Variants in SORCS1 observed in about 807,000 individuals in gnomAD.
SORCS1 encodes VPS10 domain-containing receptor SorCS1.
A neutral mutation model predicts 146.1 loss-of-function variants in SORCS1; 60 were observed. The observed-to-expected ratio is 0.41, with a 90% CI of 0.33 to 0.51. The LOEUF (loss-of-function observed/expected upper bound fraction) is 0.51. SORCS1 is among the 20% of genes least tolerant of loss of function. The pLI is 0.21. For synonymous variants in SORCS1, 637 were observed against 584.0 expected (o/e 1.09, Z -1.31); for missense variants, 1,352 against 1,487.6 (o/e 0.91, Z 1.50).
chr10:106,699,175 A>C, intron 9 of SORCS1, 39 bp downstream of exon 9: 1 of 1,539,848 alleles, frequency 6.5e-7, no homozygotes, highest in Non-Finnish European at 8.8e-7. Context: ...CCAGCTGGGC[A>C]CTGCTGTGGC....
At chr10:107,061,493 C>T (rs557268762) in intron 1 of SORCS1, among the ~76,000 whole-genome samples, 1 of 152,226 alleles carries the variant, frequency 6.6e-6, no homozygotes, top group Admixed American at 6.5e-5. Flanking sequence ...AAAGCCAATG[C>T]AATACATCCC....
Position 107,129,938 on chromosome 10 carries a change from A to G in SORCS1, c.558+34031T>C, listed in dbSNP as rs1966850221. 1.3e-5 allele frequency among the ~76,000 whole-genome samples: 2 copies of G among 152,256 alleles called. 1 individual carries two copies. Among genetic ancestry groups the G allele is most frequent in the Admixed American group, 1.3e-4 (2 of 15,288 alleles). ...GCTTGTTGATGTATGTTTATCCATT[A>G]GGAATGAAATCATGTTGCTCTGCCT... is the stretch of plus-strand genomic sequence containing the variant. On this transcript the variant is annotated intron_variant, in intron 1 of 25. Coordinates refer to ENST00000263054, the MANE Select transcript of SORCS1 (RefSeq NM_052918.5).
At chr10:106,615,680 T>C (rs1847313453) in intron 21 of SORCS1, among the ~76,000 whole-genome samples, 2 of 152,104 alleles carry the variant, frequency 1.3e-5, no homozygotes, top group Admixed American at 1.3e-4. Context: ...TCTGGATAAC[T>C]CAACTGACCA....
At chr10:107,144,110 T>C (rs1469625052) in intron 1 of SORCS1, among the ~76,000 whole-genome samples, 1 of 152,198 alleles carries the variant, frequency 6.6e-6, no homozygotes, top group African/African-American at 2.4e-5. Flanking sequence ...GCTTGTCTCA[T>C]GTTTTCATCT....
At chr10:106,862,780 C>CAAAAAAAAAAAAAAAAAAAAAA (rs58654489) in intron 2 of SORCS1, among the ~76,000 whole-genome samples, 1 of 60,246 alleles carries the variant, frequency 1.7e-5, no homozygotes, top group Non-Finnish European at 3.2e-5. Context: ...CCTGTCTCTA[C>CAAAAAAAAAAAAAAAAAAAAAA]AAAAAAAAAA....
At chr10:106,647,932 ATTATGG>A (rs1297654372) in intron 18 of SORCS1, among the ~76,000 whole-genome samples, 1 of 152,178 alleles carries the variant, frequency 6.6e-6, no homozygotes, top group East Asian at 1.9e-4. Context: ...CTGTGGCGCA[ATTATGG>A]TTGACTGTAG....
At chr10:107,054,509 T>C (rs138859129) in intron 1 of SORCS1, among the ~76,000 whole-genome samples, 1 of 152,046 alleles carries the variant, frequency 6.6e-6, no homozygotes, top group Non-Finnish European at 1.5e-5. Flanking sequence ...GCTGGACACG[T>C]TTGGTGGACA....
rs141706638 is a variant in SORCS1, at chr10:107,102,545, T to C, written c.558+61424A>G. 3.6e-3 allele frequency among the ~76,000 whole-genome samples: 551 copies of C among 152,322 alleles called. 3 individuals carry two copies. Among genetic ancestry groups the C allele is most frequent in the African/African-American group, 0.013 (522 of 41,570 alleles). ...TACATATAAAAAGGGAATCTAACTA[T>C]GATTTGTTAAAGGTGCTTTATTTTG... On this transcript the variant is annotated intron_variant, in intron 1 of 25. Transcript: ENST00000263054.
intron 10 of SORCS1, among the ~76,000 whole-genome samples, chr10:106,687,447 T>C (rs893675296): frequency 6.6e-6 from 1 of 152,222 alleles, no homozygotes; most frequent in Non-Finnish European, 1.5e-5. Context: ...TCAGGCTTTT[T>C]TTGTGATACA....
At chr10:106,864,329 C>T (rs967969489) in intron 2 of SORCS1, among the ~76,000 whole-genome samples, 5 of 152,114 alleles carry the variant, frequency 3.3e-5, no homozygotes, top group African/African-American at 4.8e-5. Context: ...AGGGAAGCAG[C>T]GGGTGAGTGT....
chr10:107,001,286 T>A (rs7903988), intron 1 of SORCS1, among the ~76,000 whole-genome samples: 1 of 152,084 alleles, frequency 6.6e-6, no homozygotes, highest in African/African-American at 2.4e-5. Flanking sequence ...AAATGAAATG[T>A]CATTACCTCT....
At chr10:106,859,438 G>A (rs1949927687) in intron 2 of SORCS1, among the ~76,000 whole-genome samples, 1 of 152,118 alleles carries the variant, frequency 6.6e-6, no homozygotes, top group Non-Finnish European at 1.5e-5. Context: ...TTTGTCACCA[G>A]GCTGGAGTGT....
At chr10:106,610,855 A>G (rs10748919) in intron 22 of SORCS1, among the ~76,000 whole-genome samples, 105,503 of 152,140 alleles carry the variant, frequency 0.69, 38,925 homozygotes, top group Non-Finnish European at 0.82. Flanking sequence ...GGGGCAGTTG[A>G]ATCACTTGAG....
At chr10:106,773,906 G>A (rs907717903) in intron 4 of SORCS1, among the ~76,000 whole-genome samples, 5 of 151,790 alleles carry the variant, frequency 3.3e-5, no homozygotes, top group African/African-American at 7.3e-5. Context: ...CCCAGATTGC[G>A]CCATTGCACT....
At chr10:107,086,813 A>G (rs2134277499) in intron 1 of SORCS1, among the ~76,000 whole-genome samples, 1 of 152,362 alleles carries the variant, frequency 6.6e-6, no homozygotes, top group South Asian at 2.1e-4. Flanking sequence ...GTGGATCACC[A>G]GGTCAGGAGA....
intron 2 of SORCS1, among the ~76,000 whole-genome samples, chr10:106,870,495 G>C (rs1198803936): frequency 6.6e-6 from 1 of 152,082 alleles, no homozygotes; most frequent in African/African-American, 2.4e-5. Flanking sequence ...CAGGCACATA[G>C]ACCAATGGAA....
chr10:107,114,518 T>A (rs1965897633), intron 1 of SORCS1, among the ~76,000 whole-genome samples: 1 of 152,104 alleles, frequency 6.6e-6, no homozygotes, highest in Non-Finnish European at 1.5e-5. Context: ...TCATAGATAG[T>A]CTCAACATAT....
chr10:106,602,243 T>C (rs1171219919), intron 23 of SORCS1, among the ~76,000 whole-genome samples: 1 of 152,184 alleles, frequency 6.6e-6, no homozygotes, highest in Non-Finnish European at 1.5e-5. Flanking sequence ...GGTGGTAGGA[T>C]GAATGCAAAT....
At chr10:106,730,562 C>G (rs555893711) in intron 5 of SORCS1, among the ~76,000 whole-genome samples, 47 of 152,294 alleles carry the variant, frequency 3.1e-4, no homozygotes, top group African/African-American at 1.1e-3. Flanking sequence ...GCCCTATGAA[C>G]AAACCCTGTG....
Sources: gnomAD v4.1 joint callset for allele counts (sites outside exome capture counted in the v4.1 genomes callset) on GRCh38, gnomAD v4.1.1 for gene constraint, MANE v1.5 for transcripts, NCBI Gene and HGNC (gene_info 2026-07-23, HGNC 2026-07-21) for gene names.